GPR158: variants seen among roughly 807,000 people sequenced by gnomAD.
GPR158 encodes the protein metabotropic glycine receptor.
In GPR158, 30 loss-of-function variants were observed where a neutral mutation model predicts 78.2. The ratio of observed to expected loss-of-function variants is 0.38; its 90% CI spans 0.29 to 0.52. The LOEUF (loss-of-function observed/expected upper bound fraction) is 0.52, where lower values mean the gene tolerates loss of function less well. Ranked by LOEUF, GPR158 falls within the 20% of genes least tolerant of loss-of-function variation. The pLI, the probability that GPR158 is intolerant of heterozygous loss-of-function variation, is 0.83. For synonymous variants in GPR158, 581 were observed against 591.1 expected (o/e 0.98, Z 0.25); for missense variants, 1,463 against 1,523.5 (o/e 0.96, Z 0.66).
At chr10:25,543,540 A>T (rs766869772) in intron 5 of GPR158, among the ~76,000 whole-genome samples, 8 of 152,214 alleles carry the variant, frequency 5.3e-5, no homozygotes, top group Non-Finnish European at 8.8e-5. Context: ...GTAGTGTGTA[A>T]TGATGACTGG....
At chr10:25,216,345 A>C (rs940919169) in intron 1 of GPR158, among the ~76,000 whole-genome samples, 1 of 152,212 alleles carries the variant, frequency 6.6e-6, no homozygotes, top group African/African-American at 2.4e-5. Context: ...CAGAAAAATT[A>C]TTGTCCAAGG....
intron 4 of GPR158, among the ~76,000 whole-genome samples, chr10:25,456,043 C>T (rs1207102925): frequency 6.6e-6 from 1 of 152,140 alleles, no homozygotes; most frequent in Non-Finnish European, 1.5e-5. Context: ...TTCCTGTTTT[C>T]ATCATCTTTG....
At chr10:25,267,983 AAT>A (rs1329727287) in intron 2 of GPR158, among the ~76,000 whole-genome samples, 4 of 152,128 alleles carry the variant, frequency 2.6e-5, no homozygotes, top group Non-Finnish European at 5.9e-5. Flanking sequence ...GTCCACTATA[AAT>A]ATATTTACTA....
At chr10:25,488,090 C>T (rs1348844064) in intron 5 of GPR158, among the ~76,000 whole-genome samples, 1 of 152,054 alleles carries the variant, frequency 6.6e-6, no homozygotes, top group African/African-American at 2.4e-5. Flanking sequence ...TTCTTTCTCC[C>T]ATAAGAGAAG....
chr10:25,243,571 T>C (rs1222581591), intron 2 of GPR158, among the ~76,000 whole-genome samples: 8 of 152,186 alleles, frequency 5.3e-5, no homozygotes, highest in African/African-American at 1.9e-4. Flanking sequence ...AGATTAGATA[T>C]CACCTTCCCT....
At chr10:25,590,283 A>C (rs1368991657) in intron 8 of GPR158, among the ~76,000 whole-genome samples, 1 of 152,236 alleles carries the variant, frequency 6.6e-6, no homozygotes. Flanking sequence ...TGGAGACTCC[A>C]TCAAGAGGCC....
chr10:25,263,823 T>C (rs1588765146), intron 2 of GPR158, among the ~76,000 whole-genome samples: 1 of 152,028 alleles, frequency 6.6e-6, no homozygotes. Flanking sequence ...TGTAATCCCA[T>C]CTACTCAGGA....
chr10:25,525,178 T>A (rs1239420799), intron 5 of GPR158, among the ~76,000 whole-genome samples: 1 of 152,190 alleles, frequency 6.6e-6, no homozygotes, highest in African/African-American at 2.4e-5. Context: ...CCATTGCTGG[T>A]AGGAATGTAA....
chr10:25,509,802 T>C (rs1836060035), intron 5 of GPR158, among the ~76,000 whole-genome samples: 1 of 152,162 alleles, frequency 6.6e-6, no homozygotes, highest in African/African-American at 2.4e-5. Context: ...CCACAACCTC[T>C]ACCTGGGTTC....
At chr10:25,197,561 A>G (rs1043163004) in intron 1 of GPR158, among the ~76,000 whole-genome samples, 2 of 152,214 alleles carry the variant, frequency 1.3e-5, no homozygotes, top group African/African-American at 4.8e-5. Flanking sequence ...TTGCTTGAAA[A>G]TTAAAGTAAA....
intron 2 of GPR158, among the ~76,000 whole-genome samples, chr10:25,379,641 G>A (rs899469671): frequency 8.7e-6 from 1 of 115,446 alleles, no homozygotes; most frequent in Non-Finnish European, 1.8e-5. Context: ...TTTTTTTGAG[G>A]ATTAGCTTTT....
At chr10:25,370,862 T>G (rs2130548796) in intron 2 of GPR158, among the ~76,000 whole-genome samples, 1 of 152,056 alleles carries the variant, frequency 6.6e-6, no homozygotes, top group South Asian at 2.1e-4. Context: ...CTGTATTGGG[T>G]ACATATATAT....
At chr10:25,208,681 G>A (rs955455784) in intron 1 of GPR158, among the ~76,000 whole-genome samples, 1 of 151,358 alleles carries the variant, frequency 6.6e-6, no homozygotes, top group South Asian at 2.1e-4. Flanking sequence ...AGAACATCTC[G>A]ACATTTCCCG....
At chr10:25,438,498 A>T (rs183439778) in intron 4 of GPR158, among the ~76,000 whole-genome samples, 1 of 152,342 alleles carries the variant, frequency 6.6e-6, no homozygotes, top group Admixed American at 6.5e-5. Flanking sequence ...TCCATTCTTC[A>T]GCGCATTTAC....
At chr10:25,393,554 C>A (rs892485331) in intron 2 of GPR158, 1 of 152,144 alleles carries the variant, frequency 6.6e-6, no homozygotes, top group African/African-American at 2.4e-5. Context: ...TTTCTTTCTG[C>A]CTAACATTTT....
At chr10:25,597,177 T>A (rs1468078952) in intron 10 of GPR158, among the ~76,000 whole-genome samples, 1 of 152,164 alleles carries the variant, frequency 6.6e-6, no homozygotes, top group Non-Finnish European at 1.5e-5. Context: ...CCTGGATTAT[T>A]TAAAATAATC....
intron 2 of GPR158, among the ~76,000 whole-genome samples, chr10:25,247,518 A>G (rs1373223879): frequency 9.4e-6 from 1 of 106,930 alleles, no homozygotes; most frequent in Non-Finnish European, 1.7e-5. Flanking sequence ...TCCTGTGTCC[A>G]TGTGATCTCA....
At chr10:25,588,252 G>T (rs1252383327) in intron 7 of GPR158, among the ~76,000 whole-genome samples, 7 of 152,172 alleles carry the variant, frequency 4.6e-5, no homozygotes, top group African/African-American at 1.7e-4. Context: ...ATTGACCAGA[G>T]AGGTTAAGTA....
At chr10:25,563,157 A>G (rs892619236) in intron 6 of GPR158, among the ~76,000 whole-genome samples, 4 of 141,104 alleles carry the variant, frequency 2.8e-5, no homozygotes, top group Admixed American at 2.7e-4. Flanking sequence ...ATTTCATTAG[A>G]TCTAAGGTAA....
Sources: allele counts gnomAD v4.1 joint callset (sites outside exome capture counted in the v4.1 genomes callset), GRCh38; gene constraint gnomAD v4.1.1; transcripts MANE v1.5; gene names NCBI Gene and HGNC (gene_info 2026-07-23, HGNC 2026-07-21).